DCDC1: variants seen among roughly 807,000 people sequenced by gnomAD.
The protein encoded by DCDC1 is doublecortin domain containing 1, also known as doublecortin domain-containing protein 1.
DCDC1 carries 200 observed loss-of-function variants against 178.3 expected under a neutral mutation model. The observed-to-expected ratio is 1.12, with a 90% CI of 1.00 to 1.26. The LOEUF is 1.26. Ranked by LOEUF, DCDC1 falls within the 50% of genes most tolerant of loss-of-function variation. DCDC1 has a pLI of 0.00. For synonymous variants in DCDC1, 690 were observed against 604.8 expected, an observed-to-expected ratio of 1.14 and a Z score of -2.07; for missense variants, 1,983 against 1,749.2, an observed-to-expected ratio of 1.13 and a Z score of -2.38.
intron 11 of DCDC1, among the ~76,000 whole-genome samples, chr11:31,126,449 T>C (rs771106830): frequency 6.6e-5 from 10 of 152,172 alleles, no homozygotes; most frequent in Non-Finnish European, 1.0e-4. Flanking sequence ...AAAAAGTCCA[T>C]TTTTACATTG....
intron 12 of DCDC1, among the ~76,000 whole-genome samples, chr11:31,107,281 T>C (rs1432229500): frequency 6.6e-6 from 1 of 152,144 alleles, no homozygotes; most frequent in Non-Finnish European, 1.5e-5. Context: ...AACGGTCCTC[T>C]TTGATAAGGG....
chr11:31,326,319 T>C lies in DCDC1; in HGVS notation c.164+1798A>G, dbSNP rs561656386. Among the ~76,000 whole-genome samples the C allele has an allele frequency of 4.0e-5, 6 of 150,944 alleles. No homozygotes were observed. The South Asian group carries it at 6.3e-4, about 16-fold the overall frequency. On this transcript the variant is annotated intron_variant, in intron 3 of 38. Transcript: ENST00000684477. ...CCGACTAACAATCAAAGAAAGCAAA[T>C]AGGAAAAAAGCAGGAACAGAGCGAA...
intron 21 of DCDC1, among the ~76,000 whole-genome samples, chr11:30,942,752 G>C (rs1217387911): frequency 6.6e-6 from 1 of 152,160 alleles, no homozygotes; most frequent in Non-Finnish European, 1.5e-5. Context: ...GCTGTCTTTG[G>C]ATGGCTTCTT....
At chr11:31,134,177 C>T (rs1169378810) in intron 10 of DCDC1, among the ~76,000 whole-genome samples, 3 of 152,186 alleles carry the variant, frequency 2.0e-5, no homozygotes, top group African/African-American at 7.2e-5. Flanking sequence ...TGAAAACAGA[C>T]AACTTCACTG....
At chr11:31,116,973 C>T (rs1210166601) in intron 11 of DCDC1, among the ~76,000 whole-genome samples, 3 of 152,152 alleles carry the variant, frequency 2.0e-5, no homozygotes, top group South Asian at 4.2e-4. Context: ...CTCACCATTT[C>T]GAAGTATGTA....
intron 7 of DCDC1, among the ~76,000 whole-genome samples, chr11:31,267,595 T>A (rs1317175740): frequency 6.6e-6 from 1 of 152,236 alleles, no homozygotes; most frequent in East Asian, 1.9e-4. Flanking sequence ...GTAACAACCC[T>A]GGTGATTCTC....
At chr11:30,938,865 C>T (rs1267932827) in intron 21 of DCDC1, among the ~76,000 whole-genome samples, 1 of 152,150 alleles carries the variant, frequency 6.6e-6, no homozygotes, top group Non-Finnish European at 1.5e-5. Context: ...TGGCTCCCTC[C>T]TTCCTTTGTT....
At chr11:31,297,298 A>C (rs1019089215) in intron 6 of DCDC1, among the ~76,000 whole-genome samples, 1 of 152,154 alleles carries the variant, frequency 6.6e-6, no homozygotes, top group East Asian at 1.9e-4. Flanking sequence ...CAAGCAATTC[A>C]AACAAGAACC....
At chr11:31,368,077 T>A (rs1952056091) in intron 1 of DCDC1, among the ~76,000 whole-genome samples, 2 of 152,056 alleles carry the variant, frequency 1.3e-5, no homozygotes, top group African/African-American at 4.8e-5. Context: ...ACCGTGGAAA[T>A]GTAAGTAAGG....
intron 20 of DCDC1, among the ~76,000 whole-genome samples, chr11:31,018,307 T>C (rs1392008289): frequency 6.6e-6 from 1 of 152,208 alleles, no homozygotes; most frequent in Non-Finnish European, 1.5e-5. Context: ...GGGACTCATA[T>C]TTTGTAATTT....
intron 9 of DCDC1, among the ~76,000 whole-genome samples, chr11:31,176,841 G>C (rs572498798): frequency 2.4e-4 from 37 of 152,228 alleles, no homozygotes; most frequent in South Asian, 1.9e-3. Flanking sequence ...GAACTTCCAA[G>C]ACAGGCAAAC....
chr11:30,999,929 C>CG (rs1374783584), intron 20 of DCDC1, among the ~76,000 whole-genome samples: 1 of 152,108 alleles, frequency 6.6e-6, no homozygotes, highest in Non-Finnish European at 1.5e-5. Flanking sequence ...TGACTTGACT[C>CG]GTTCTCCCCT....
chr11:31,223,010 A>C (rs1338515243), intron 9 of DCDC1, among the ~76,000 whole-genome samples: 2 of 152,182 alleles, frequency 1.3e-5, no homozygotes, highest in Admixed American at 1.3e-4. Flanking sequence ...ACAATAAACT[A>C]TGTATATATT....
chr11:31,126,015 A>G (rs1010064301), intron 11 of DCDC1, among the ~76,000 whole-genome samples: 1 of 152,130 alleles, frequency 6.6e-6, no homozygotes, highest in African/African-American at 2.4e-5. Context: ...TACCCAGCCC[A>G]TGTGCCAATA....
chr11:31,186,235 CACTT>C (rs1969466303), intron 9 of DCDC1, among the ~76,000 whole-genome samples: 1 of 152,184 alleles, frequency 6.6e-6, no homozygotes, highest in South Asian at 2.1e-4. Context: ...CTCCAACACT[CACTT>C]AGCCATACTC....
intron 11 of DCDC1, among the ~76,000 whole-genome samples, chr11:31,112,426 T>C (rs909745199): frequency 6.6e-6 from 1 of 152,204 alleles, no homozygotes; most frequent in Non-Finnish European, 1.5e-5. Context: ...TCTACCTTTA[T>C]TTTCTTCCTG....
chr11:31,147,497 C>G (rs1454835906), intron 9 of DCDC1, among the ~76,000 whole-genome samples: 1 of 152,160 alleles, frequency 6.6e-6, no homozygotes. Context: ...TTTGTACTTG[C>G]AAAGGCCTGA....
chr11:31,052,351 G>A (rs763239302), intron 20 of DCDC1, among the ~76,000 whole-genome samples: 4 of 152,028 alleles, frequency 2.6e-5, no homozygotes, highest in Admixed American at 6.5e-5. Flanking sequence ...CAAATTTATA[G>A]AACAATTAGT....
At chr11:31,243,085 T>G (rs1033951547) in intron 8 of DCDC1, among the ~76,000 whole-genome samples, 24 of 151,812 alleles carry the variant, frequency 1.6e-4, no homozygotes, top group African/African-American at 5.8e-4. Flanking sequence ...TTAGAGTAAT[T>G]GCTTTTCTAA....
Sources: allele counts gnomAD v4.1 joint callset (sites outside exome capture counted in the v4.1 genomes callset), GRCh38; gene constraint gnomAD v4.1.1; transcripts MANE v1.5; gene names NCBI Gene and HGNC (gene_info 2026-07-23, HGNC 2026-07-21).